Variants in JPH1 observed in about 807,000 individuals in gnomAD.
The protein encoded by JPH1 is junctophilin 1, also known as junctophilin-1.
JPH1 carries 12 observed loss-of-function variants against 53.6 expected under a neutral mutation model. The ratio of observed to expected loss-of-function variants is 0.22; its 90% CI spans 0.14 to 0.36. The LOEUF (loss-of-function observed/expected upper bound fraction) is 0.36, where lower values mean the gene tolerates loss of function less well. JPH1 is among the 10% of genes least tolerant of loss of function. The pLI, the probability that JPH1 is intolerant of heterozygous loss-of-function variation, is 1.00. For synonymous variants in JPH1, 375 were observed against 363.8 expected (o/e 1.03, Z -0.35); for missense variants, 808 against 905.5 (o/e 0.89, Z 1.38).
Position 74,244,874 on chromosome 8 carries a change from C to T in JPH1, c.1560G>A (p.Thr520=), listed in dbSNP as rs757194936. 8.7e-6 allele frequency: 14 copies of T among 1,614,076 alleles called. No individual in the cohort carries two copies. In the East Asian group the frequency reaches 1.1e-4, roughly 13 times the overall value. Residue 520 remains threonine (T), a synonymous_variant, in exon 4 of 6, where the codon ACG becomes ACA. Transcript: ENST00000342232. ...GGGGCACAACCGCTCCTGCCTCCTT[C>T]GTGGGAGCCTTTGACATCAAGGGCT... is the stretch of plus-strand genomic sequence containing the variant. ...VNKPLMSKAP[T]KEAGAVVPQS...
rs1007813716 is a variant in JPH1 at position 74,255,869 on chromosome 8, G to A, written c.1258+3516C>T. ...ACCATCTCACACCAGTTAGAATGGC[G>A]ATCATTAAAAAGTCAGGAGACAACA... On this transcript the variant is annotated intron_variant, in intron 3 of 5. Coordinates refer to ENST00000342232, the MANE Select transcript of JPH1 (RefSeq NM_020647.4). Among the ~76,000 whole-genome samples, 756 of 152,196 alleles carry A rather than the reference G, an allele frequency of 5.0e-3. 10 individuals carry two copies. The highest frequency in any genetic ancestry group is 3.9e-3 in the Non-Finnish European group (268 of 68,008).
chr8:74,253,759 A>G (rs1467420214), intron 3 of JPH1, among the ~76,000 whole-genome samples: 1 of 152,158 alleles, frequency 6.6e-6, no homozygotes, highest in African/African-American at 2.4e-5. Flanking sequence ...AGAATACTAT[A>G]AACACCTATA....
Position 74,320,768 on chromosome 8 carries a change from C to A in JPH1, c.379+141G>T. 3.8e-6 allele frequency: 4 copies of A among 1,039,246 alleles called. No homozygotes were observed. The South Asian group carries it at 8.1e-5, about 21-fold the overall frequency. 64.4% of individuals were successfully genotyped at this position (1,039,246 alleles called of 1,614,324 possible). A position where few individuals can be genotyped will look rare whatever the true frequency, so the allele number is the denominator to read the frequency against. ...CCTCTCTGGGAAAGGCGGGCGCGGG[C>A]GCGGGGGTGGGAGGCGCCCCCAGGT... On this transcript the variant is annotated intron_variant, in intron 1 of 5. Transcript: ENST00000342232. This position sits in a 1 kb window ranked among gnomAD's most constrained non-coding sequence, Gnocchi z 4.4.
At chr8:74,307,769 A>C (rs1807881992) in intron 2 of JPH1, among the ~76,000 whole-genome samples, 1 of 152,230 alleles carries the variant, frequency 6.6e-6, no homozygotes, top group African/African-American at 2.4e-5. Context: ...AACCACTATC[A>C]TTACAGTACA....
chr8:74,305,513 A>C (rs1309436121), intron 2 of JPH1, among the ~76,000 whole-genome samples: 1 of 152,244 alleles, frequency 6.6e-6, no homozygotes, highest in Non-Finnish European at 1.5e-5. Context: ...TATGTGTACT[A>C]TTGAGAAAGG....
intron 1 of JPH1, among the ~76,000 whole-genome samples, chr8:74,317,207 C>T (rs937020914): frequency 1.3e-4 from 20 of 152,324 alleles, no homozygotes; most frequent in Middle Eastern, 3.4e-3. Flanking sequence ...CCCAAGTCAA[C>T]GGTTTTGACC....
intron 2 of JPH1, among the ~76,000 whole-genome samples, chr8:74,313,552 A>C (rs1397316446): frequency 2.2e-5 from 3 of 138,204 alleles, no homozygotes; most frequent in Non-Finnish European, 4.9e-5. Context: ...TAAGTAGAGG[A>C]ATTAAAAAAA....
intron 3 of JPH1, among the ~76,000 whole-genome samples, chr8:74,253,487 A>G (rs988344568): frequency 6.6e-6 from 1 of 152,150 alleles, no homozygotes; most frequent in African/African-American, 2.4e-5. Flanking sequence ...GAAGAACTAG[A>G]GAAGCAAGAG....
chr8:74,310,236 C>T (rs1258958267), intron 2 of JPH1, among the ~76,000 whole-genome samples: 1 of 150,364 alleles, frequency 6.7e-6, no homozygotes, highest in Non-Finnish European at 1.5e-5. Context: ...CTTCTAGGTA[C>T]ACTCATTTCT....
At chr8:74,300,388 C>T (rs1434767789) in intron 2 of JPH1, among the ~76,000 whole-genome samples, 3 of 152,158 alleles carry the variant, frequency 2.0e-5, no homozygotes, top group African/African-American at 7.2e-5. Context: ...CTAATTGACT[C>T]TAAGCTTGTG....
At chr8:74,266,709 A>G (rs1366919400) in intron 2 of JPH1, among the ~76,000 whole-genome samples, 1 of 152,228 alleles carries the variant, frequency 6.6e-6, no homozygotes, top group Non-Finnish European at 1.5e-5. Context: ...CAAACCTAAA[A>G]ATAAAAGAAA....
chr8:74,285,050 C>A (rs1807123469), intron 2 of JPH1, among the ~76,000 whole-genome samples: 1 of 152,104 alleles, frequency 6.6e-6, no homozygotes, highest in African/African-American at 2.4e-5. Context: ...GTCTCGAACT[C>A]CTGACCTTGT....
At chr8:74,300,649 G>A (rs1807653711) in intron 2 of JPH1, among the ~76,000 whole-genome samples, 1 of 152,100 alleles carries the variant, frequency 6.6e-6, no homozygotes, top group Non-Finnish European at 1.5e-5. Context: ...TCTGATTGAG[G>A]AAAAATCTGG....
At chr8:74,312,588 T>G (rs1465306984) in intron 2 of JPH1, among the ~76,000 whole-genome samples, 1 of 152,218 alleles carries the variant, frequency 6.6e-6, no homozygotes, top group African/African-American at 2.4e-5. Context: ...TATTGTTAAC[T>G]ATAGGCACAG....
At chr8:74,276,582 T>G (rs770083915) in intron 2 of JPH1, among the ~76,000 whole-genome samples, 1 of 152,250 alleles carries the variant, frequency 6.6e-6, no homozygotes, top group Non-Finnish European at 1.5e-5. Context: ...CGAGTGCTTA[T>G]TATATGCCAG....
chr8:74,287,660 G>A (rs1239282149), intron 2 of JPH1, among the ~76,000 whole-genome samples: 2 of 150,638 alleles, frequency 1.3e-5, no homozygotes, highest in East Asian at 3.9e-4. Context: ...TTAACAATTA[G>A]TCTAGTTTCT....
chr8:74,268,003 T>C (rs896062838), intron 2 of JPH1, among the ~76,000 whole-genome samples: 1 of 152,180 alleles, frequency 6.6e-6, no homozygotes, highest in Non-Finnish European at 1.5e-5. Flanking sequence ...TTGTGGGCTT[T>C]GGAACCAGGC....
At chr8:74,296,270 A>G (rs1057354549) in intron 2 of JPH1, among the ~76,000 whole-genome samples, 2 of 152,208 alleles carry the variant, frequency 1.3e-5, no homozygotes, top group African/African-American at 4.8e-5. Flanking sequence ...AGCATAAAGT[A>G]AGCCACTGAC....
chr8:74,255,339 C>T (rs1220439823), intron 3 of JPH1, among the ~76,000 whole-genome samples: 1 of 151,958 alleles, frequency 6.6e-6, no homozygotes, highest in African/African-American at 2.4e-5. Flanking sequence ...ACTGGCTAGC[C>T]ATATGTAGAA....
Sources: allele counts gnomAD v4.1 joint callset (sites outside exome capture counted in the v4.1 genomes callset), GRCh38; gene constraint gnomAD v4.1.1; non-coding constraint Gnocchi (gnomAD v3.1); transcripts MANE v1.5; gene names NCBI Gene and HGNC (gene_info 2026-07-23, HGNC 2026-07-21).